Variants in DPP6 observed in about 807,000 individuals in gnomAD.
DPP6 encodes dipeptidyl peptidase like 6.
DPP6 carries 69 observed loss-of-function variants against 122.6 expected under a neutral mutation model. The ratio of observed to expected loss-of-function variants is 0.56; its 90% CI spans 0.46 to 0.69. The LOEUF (loss-of-function observed/expected upper bound fraction) is 0.69, where lower values mean the gene tolerates loss of function less well. Ranked by LOEUF, DPP6 falls within the 30% of genes least tolerant of loss-of-function variation. The pLI is 0.00. For synonymous variants in DPP6, 418 were observed against 433.1 expected (o/e 0.97, Z 0.43); for missense variants, 928 against 1,116.9 (o/e 0.83, Z 2.41).
chr7:154,063,735 C>CT (rs1198895908), intron 1 of DPP6, among the ~76,000 whole-genome samples: 26 of 149,128 alleles, frequency 1.7e-4, no homozygotes, highest in South Asian at 1.1e-3. Flanking sequence ...TCTTCCCCCC[C>CT]GGCTTAGGAC....
chr7:154,631,976 C>A (rs1835436405), intron 5 of DPP6, among the ~76,000 whole-genome samples: 1 of 152,128 alleles, frequency 6.6e-6, no homozygotes, highest in Admixed American at 6.5e-5. Flanking sequence ...GCCTCCTGAG[C>A]CACAATAGGC....
At chr7:153,922,718 T>A (rs1800696827) in intron 1 of DPP6, among the ~76,000 whole-genome samples, 1 of 152,218 alleles carries the variant, frequency 6.6e-6, no homozygotes. Flanking sequence ...ATCTCTTAGA[T>A]TTGATGAAAT....
chr7:154,115,249 G>C (rs1242476376), intron 1 of DPP6, among the ~76,000 whole-genome samples: 5 of 152,162 alleles, frequency 3.3e-5, no homozygotes, highest in Admixed American at 1.3e-4. Context: ...CCACTCATCA[G>C]CTCATGGTAA....
chr7:154,358,925 C>T (rs894851628), intron 1 of DPP6, among the ~76,000 whole-genome samples: 3 of 152,168 alleles, frequency 2.0e-5, no homozygotes, highest in Non-Finnish European at 4.4e-5. Flanking sequence ...AGGCTGGTCT[C>T]GAACTCCTGA....
chr7:153,859,675 A>G, the DPP6 span, among the ~76,000 whole-genome samples: 1 of 152,224 alleles, frequency 6.6e-6, no homozygotes, highest in Non-Finnish European at 1.5e-5. Flanking sequence ...CTACGCTGCT[A>G]TGAAGAAATA....
chr7:154,510,583 C>T (rs1369000840), intron 3 of DPP6, among the ~76,000 whole-genome samples: 5 of 151,768 alleles, frequency 3.3e-5, no homozygotes, highest in Non-Finnish European at 1.5e-5. Context: ...CCTGTAATCC[C>T]AGCGACTTGG....
At chr7:154,261,034 T>C (rs1180177470) in intron 1 of DPP6, among the ~76,000 whole-genome samples, 2 of 152,084 alleles carry the variant, frequency 1.3e-5, no homozygotes, top group African/African-American at 4.8e-5. Context: ...TAGTTGGAAC[T>C]GCAGGCACAT....
At chr7:154,177,927 G>A (rs1797886231) in intron 1 of DPP6, among the ~76,000 whole-genome samples, 1 of 152,186 alleles carries the variant, frequency 6.6e-6, no homozygotes, top group Non-Finnish European at 1.5e-5. Context: ...GGTAAGGTGA[G>A]CACTCCCTAA....
intron 1 of DPP6, among the ~76,000 whole-genome samples, chr7:154,312,552 C>T (rs7805488): frequency 0.2 from 29,993 of 152,150 alleles, 4,094 homozygotes; most frequent in African/African-American, 0.39. Context: ...AGCGTCACCT[C>T]GAGCTGCTAA....
chr7:153,796,952 G>A, the DPP6 span, among the ~76,000 whole-genome samples: 1 of 152,316 alleles, frequency 6.6e-6, no homozygotes, highest in East Asian at 1.9e-4. Flanking sequence ...AGAAGACTAT[G>A]GCTTGTTTTG....
chr7:153,800,563 C>A, the DPP6 span, among the ~76,000 whole-genome samples: 1 of 152,278 alleles, frequency 6.6e-6, no homozygotes, highest in Non-Finnish European at 1.5e-5. Flanking sequence ...GTTGTCCAGG[C>A]TGGAATGTAG....
intron 4 of DPP6, among the ~76,000 whole-genome samples, chr7:154,543,652 A>C (rs1171071890): frequency 6.6e-6 from 1 of 152,172 alleles, no homozygotes; most frequent in African/African-American, 2.4e-5. Flanking sequence ...TTGTGCTTTT[A>C]AATGGTAGAA....
rs1213406605 is a variant in DPP6 at position 154,481,048 on chromosome 7, G to C, written c.457+6011G>C. Among the ~76,000 whole-genome samples the C allele has an allele frequency of 6.6e-6, 1 of 152,110 alleles. No individual in the cohort carries two copies. The highest frequency in any genetic ancestry group is 1.5e-5 in the Non-Finnish European group (1 of 68,026). ...AGACTTGGCATCAGTCCACTCGGAG[G>C]GTTGGAGGGCTGGACTCAAGCCCAG... On this transcript the variant is annotated intron_variant, in intron 3 of 25. Transcript: ENST00000377770. This position sits in a 1 kb window ranked among gnomAD's most constrained non-coding sequence, Gnocchi z 4.2.
intron 5 of DPP6, among the ~76,000 whole-genome samples, chr7:154,604,069 G>A (rs937276504): frequency 8.3e-6 from 1 of 120,604 alleles, no homozygotes; most frequent in Non-Finnish European, 1.9e-5. Flanking sequence ...ATAGCTTTCC[G>A]TGTGTTTTTC....
chr7:154,709,026 C>T (rs556665413), intron 7 of DPP6, among the ~76,000 whole-genome samples: 9 of 150,320 alleles, frequency 6.0e-5, no homozygotes, highest in African/African-American at 1.7e-4. Context: ...CCAGCCTCAC[C>T]GACAGAGCAA....
intron 1 of DPP6, among the ~76,000 whole-genome samples, chr7:154,338,139 A>G (rs143056879): frequency 2.6e-4 from 40 of 152,278 alleles, no homozygotes; most frequent in Non-Finnish European, 4.7e-4. Flanking sequence ...CAGTTTGGGC[A>G]AAGTTCAAAG....
intron 18 of DPP6, among the ~76,000 whole-genome samples, chr7:154,870,794 C>G (rs1804315894): frequency 6.6e-6 from 1 of 151,952 alleles, no homozygotes; most frequent in Non-Finnish European, 1.5e-5. Context: ...GAAACTCTGT[C>G]TCTACTAAAA....
At chr7:154,644,858 A>G (rs536081514) in intron 6 of DPP6, among the ~76,000 whole-genome samples, 4 of 152,070 alleles carry the variant, frequency 2.6e-5, no homozygotes, top group African/African-American at 9.6e-5. Flanking sequence ...GCAGGTGCAC[A>G]CCGCCATGCC....
intron 6 of DPP6, among the ~76,000 whole-genome samples, chr7:154,666,194 T>TACACACACAC (rs55773435): frequency 8.4e-6 from 1 of 118,986 alleles, no homozygotes; most frequent in Admixed American, 7.7e-5. Flanking sequence ...TATATATATA[T>TACACACACAC]ATATATACAC....
Sources: gnomAD v4.1 joint callset for allele counts (sites outside exome capture counted in the v4.1 genomes callset) on GRCh38, gnomAD v4.1.1 for gene constraint, Gnocchi (gnomAD v3.1) non-coding constraint, MANE v1.5 for transcripts, NCBI Gene and HGNC (gene_info 2026-07-23, HGNC 2026-07-21) for gene names.